Variants in RALGAPA1 observed in about 807,000 individuals in gnomAD.
RALGAPA1 encodes Ral GTPase activating protein catalytic subunit alpha 1.
Under a neutral mutation model 269.6 loss-of-function variants are expected in RALGAPA1, and 52 were observed. The ratio of observed to expected loss-of-function variants is 0.19; its 90% CI spans 0.15 to 0.24. The LOEUF is 0.24. Ranked by LOEUF, RALGAPA1 falls within the 10% of genes least tolerant of loss-of-function variation. The pLI is 1.00. For synonymous variants in RALGAPA1, 817 were observed against 1,008.3 expected, an observed-to-expected ratio of 0.81 and a Z score of 3.60; for missense variants, 1,917 against 3,013.9, an observed-to-expected ratio of 0.64 and a Z score of 8.52.
chr14:35,629,093 C>G (rs558507008), intron 33 of RALGAPA1, among the ~76,000 whole-genome samples: 1 of 152,010 alleles, frequency 6.6e-6, no homozygotes, highest in African/African-American at 2.4e-5. Flanking sequence ...AGTTAAAGAC[C>G]GCCATTCTAA....
chr14:35,673,601 A>G (rs2064689693), intron 24 of RALGAPA1, among the ~76,000 whole-genome samples: 1 of 151,880 alleles, frequency 6.6e-6, no homozygotes, highest in Non-Finnish European at 1.5e-5. Context: ...TTTTTTTGAG[A>G]CGGAGTTTCG....
At chr14:35,672,292 T>C (rs2064529042) in intron 25 of RALGAPA1, among the ~76,000 whole-genome samples, 1 of 152,108 alleles carries the variant, frequency 6.6e-6, no homozygotes, top group South Asian at 2.1e-4. Flanking sequence ...TTATTCTGAC[T>C]TGCAACCTCC....
chr14:35,643,986 A>G (rs2062207589), intron 31 of RALGAPA1, among the ~76,000 whole-genome samples: 1 of 152,240 alleles, frequency 6.6e-6, no homozygotes, highest in Non-Finnish European at 1.5e-5. Flanking sequence ...AAACAGAGTG[A>G]CTATAGTAAA....
chr14:35,623,663 T>C (rs1188414314), intron 35 of RALGAPA1, among the ~76,000 whole-genome samples: 2 of 152,206 alleles, frequency 1.3e-5, no homozygotes, highest in African/African-American at 2.4e-5. Context: ...TTTCCCAATA[T>C]ACATGGCATG....
rs1219008742 is a variant in RALGAPA1, at chr14:35,595,775, G to T, written c.7068C>A (p.Asn2356Lys). The T allele has an allele frequency of 4.3e-6, 7 of 1,611,638 alleles. No individual in the cohort carries two copies. The highest frequency in any genetic ancestry group is 5.9e-6 in the Non-Finnish European group (7 of 1,178,588). The part of the protein sequence containing the change: ...AGLGWEVNLT[N>K]HCGFMGGLQK... ...GTAGTCCTCCCATAAAACCACAATG[G>T]TTTGTAAGATTTACCTAGAAGTAAT... The change falls in exon 37 of 42, where the codon AAC (asparagine) becomes AAA (lysine). Residue 2356 changes from asparagine (N) to lysine (K), a missense_variant. Asn to Lys is a moderately conservative substitution (Grantham distance 94). Around this residue, in one of 11 missense-constraint regions of RALGAPA1, gnomAD observed 132 missense variants for 271.2 expected, o/e 0.49. Transcript: ENST00000680220.
chr14:35,804,071 T>C (rs1034160457), intron 1 of RALGAPA1, among the ~76,000 whole-genome samples: 3 of 151,998 alleles, frequency 2.0e-5, no homozygotes, highest in East Asian at 3.9e-4. Flanking sequence ...AAGACCAGCC[T>C]GGCCAACATG....
intron 11 of RALGAPA1, 66 bp from the exon 12 acceptor site, chr14:35,738,716 GA>G: frequency 7.5e-7 from 1 of 1,334,224 alleles, no homozygotes; most frequent in South Asian, 1.4e-5. Context: ...CAGTTAAGTT[GA>G]AAAGGTAAAT....
At chr14:35,673,527 C>G (rs1231697733) in intron 24 of RALGAPA1, among the ~76,000 whole-genome samples, 1 of 152,130 alleles carries the variant, frequency 6.6e-6, no homozygotes, top group Non-Finnish European at 1.5e-5. Flanking sequence ...CCACTGCACT[C>G]CAAGTCTGGG....
chr14:35,760,325 C>T (rs1043259993), intron 6 of RALGAPA1, among the ~76,000 whole-genome samples: 5 of 152,150 alleles, frequency 3.3e-5, no homozygotes, highest in Non-Finnish European at 7.4e-5. Context: ...TTCAAACCAA[C>T]CAGTCCAGAG....
intron 12 of RALGAPA1, among the ~76,000 whole-genome samples, chr14:35,730,387 C>G (rs1177640400): frequency 6.6e-6 from 1 of 152,102 alleles, no homozygotes; most frequent in East Asian, 1.9e-4. Context: ...GCCTCCTGGC[C>G]AGAACTCAAA....
chr14:35,642,141 T>C (rs2062073647), intron 31 of RALGAPA1, among the ~76,000 whole-genome samples: 1 of 152,128 alleles, frequency 6.6e-6, no homozygotes. Flanking sequence ...ATTATGAAAC[T>C]ACTACAAGAA....
chr14:35,805,678 TTTTTC>T (rs1301583349), intron 1 of RALGAPA1, among the ~76,000 whole-genome samples: 35 of 150,206 alleles, frequency 2.3e-4, no homozygotes, highest in Admixed American at 2.1e-3. Flanking sequence ...ATATTTTTTC[TTTTTC>T]TTTTTTTTTT....
intron 35 of RALGAPA1, among the ~76,000 whole-genome samples, chr14:35,623,323 TCA>T (rs891632706): frequency 6.6e-6 from 1 of 151,394 alleles, no homozygotes; most frequent in Admixed American, 6.6e-5. Flanking sequence ...TCTCTCTCTC[TCA>T]CACACACAGA....
In RALGAPA1 at chr14:35,795,952, G is replaced by A. The variant is rs190451365; in HGVS notation, c.106+12778C>T. On this transcript the variant is annotated intron_variant, in intron 1 of 41. Transcript: ENST00000680220. ...GAGACCCTGCCCCCAAAAACAGAAC[G>A]AAACAAAAAAAGAATTTACAGATAT... Among the ~76,000 whole-genome samples the A allele has an allele frequency of 1.3e-4, 19 of 151,662 alleles. No homozygotes were observed. The East Asian group carries it at 3.1e-3, about 25-fold the overall frequency.
chr14:35,639,999 A>T (rs1471590474), intron 31 of RALGAPA1, among the ~76,000 whole-genome samples: 2 of 152,042 alleles, frequency 1.3e-5, no homozygotes, highest in Non-Finnish European at 2.9e-5. Context: ...TGGGTCAATG[A>T]AGAGATTAAG....
In RALGAPA1 at chr14:35,725,040, G is replaced by T; in HGVS notation, c.1850C>A (p.Ala617Glu). 3 of 1,596,436 alleles carry T rather than the reference G, an allele frequency of 1.9e-6. No homozygotes were observed. The highest frequency in any genetic ancestry group is 2.7e-5 in the African/African-American group (2 of 74,144). ...KKNMTLAGRL[A>E]GPLFQTLIVA... ...TTTTATTGCCTGGAAAAGTGGTCCT[G>T]CAAGTCGACCTGCCAAGGTCATATT... Residue 617 changes from alanine to glutamate, a missense_variant, in exon 14 of 42, where the codon GCA (alanine) becomes GAA (glutamate). Physicochemically the swap from Ala to Glu is moderately radical, Grantham distance 107. Around this residue, in one of 11 missense-constraint regions of RALGAPA1, gnomAD observed 40 missense variants for 112.6 expected, o/e 0.36. Transcript: ENST00000680220.
chr14:35,782,605 T>G (rs1346983888), intron 1 of RALGAPA1, among the ~76,000 whole-genome samples: 1 of 152,094 alleles, frequency 6.6e-6, no homozygotes, highest in Non-Finnish European at 1.5e-5. Context: ...AGCTAATTTT[T>G]GTATTTTTAG....
intron 16 of RALGAPA1, among the ~76,000 whole-genome samples, chr14:35,718,231 A>C (rs1406251505): frequency 1.3e-5 from 2 of 152,192 alleles, no homozygotes; most frequent in Non-Finnish European, 2.9e-5. Flanking sequence ...CTCCAGTGGA[A>C]TTTACTTGCT....
intron 16 of RALGAPA1, among the ~76,000 whole-genome samples, chr14:35,704,586 G>A (rs946249291): frequency 2.6e-5 from 4 of 152,054 alleles, no homozygotes; most frequent in East Asian, 1.9e-4. Context: ...ATAAGTCTTC[G>A]AAACATCATG....
Sources: gnomAD v4.1 joint callset for allele counts (sites outside exome capture counted in the v4.1 genomes callset) on GRCh38, gnomAD v4.1.1 for gene constraint, gnomAD v4.1.1 regional missense constraint, MANE v1.5 for transcripts, NCBI Gene and HGNC (gene_info 2026-07-23, HGNC 2026-07-21) for gene names.